The following WDR59 variants were observed in gnomAD, a reference collection of about 807,000 sequenced individuals.
WDR59 encodes GATOR2 complex protein WDR59.
Under a neutral mutation model 131.2 loss-of-function variants are expected in WDR59, and 100 were observed. That is an observed-to-expected ratio of 0.76 (90% CI 0.65 to 0.90). The LOEUF (loss-of-function observed/expected upper bound fraction) is 0.90. Ranked by LOEUF, WDR59 falls within the 40% of genes least tolerant of loss-of-function variation. WDR59 has a pLI of 0.00. For synonymous variants in WDR59, 601 were observed against 466.2 expected (o/e 1.29, Z -3.72); for missense variants, 1,203 against 1,262.2 (o/e 0.95, Z 0.71).
chr16:74,880,558 A>G (rs952069453), intron 25 of WDR59, among the ~76,000 whole-genome samples: 1 of 152,174 alleles, frequency 6.6e-6, no homozygotes, highest in African/African-American at 2.4e-5. Context: ...CCTCCCAGGA[A>G]ACTTCTTTGG....
intron 10 of WDR59, among the ~76,000 whole-genome samples, chr16:74,918,330 A>C (rs952747957): frequency 3.9e-5 from 6 of 152,234 alleles, no homozygotes; most frequent in African/African-American, 1.4e-4. Context: ...ATTTGAGCAG[A>C]AACTTAAATG....
intron 10 of WDR59, 36 bp from the exon 11 acceptor site, chr16:74,918,044 C>G (rs1966477760): frequency 6.3e-7 from 1 of 1,597,112 alleles, no homozygotes; most frequent in Non-Finnish European, 8.6e-7. Context: ...GGAAATTCTT[C>G]TGGATTCAAC....
chr16:74,879,524 C>T (rs1403896136), intron 25 of WDR59, among the ~76,000 whole-genome samples: 1 of 152,212 alleles, frequency 6.6e-6, no homozygotes, highest in East Asian at 1.9e-4. Context: ...ACAAGAATTA[C>T]TTAGCAGGGA....
chr16:74,902,176 T>C (rs1013309298), intron 18 of WDR59, among the ~76,000 whole-genome samples: 2 of 152,192 alleles, frequency 1.3e-5, no homozygotes, highest in South Asian at 2.1e-4. Flanking sequence ...TATATCAATA[T>C]AAGAGTTTCA....
intron 1 of WDR59, among the ~76,000 whole-genome samples, chr16:74,971,048 A>C (rs1205004872): frequency 6.6e-6 from 1 of 150,642 alleles, no homozygotes; most frequent in Non-Finnish European, 1.5e-5. Context: ...GACCCTGTCT[A>C]AAAAAAAAGC....
intron 8 of WDR59, among the ~76,000 whole-genome samples, chr16:74,925,359 C>T (rs1462489108): frequency 6.6e-6 from 1 of 152,064 alleles, no homozygotes; most frequent in Non-Finnish European, 1.5e-5. Flanking sequence ...GCCTGGCCAA[C>T]ATGGCGAAAC....
intron 6 of WDR59, 123 bp from the exon 7 acceptor site, chr16:74,942,949 T>C: frequency 1.3e-6 from 1 of 779,938 alleles, no homozygotes; most frequent in Non-Finnish European, 2.1e-6. Context: ...TTCAAGTTTC[T>C]GTGACTGCAC....
chr16:74,911,557 C>A (rs184444915), intron 14 of WDR59, among the ~76,000 whole-genome samples: 3 of 152,178 alleles, frequency 2.0e-5, no homozygotes, highest in Admixed American at 1.3e-4. Flanking sequence ...TCTGGATGAA[C>A]TGATGCATTA....
At chr16:74,924,779 C>T (rs1406449712) in intron 8 of WDR59, among the ~76,000 whole-genome samples, 1 of 152,152 alleles carries the variant, frequency 6.6e-6, no homozygotes, top group Admixed American at 6.6e-5. Flanking sequence ...CTCTGGAAAT[C>T]GCTATGGCAA....
At chr16:74,927,503 G>C (rs2030933529) in intron 8 of WDR59, among the ~76,000 whole-genome samples, 1 of 146,452 alleles carries the variant, frequency 6.8e-6, no homozygotes, top group Non-Finnish European at 1.5e-5. Context: ...CAGGAGAATT[G>C]CTTGAACCCC....
chr16:74,908,357 C>A (rs1422212907), intron 17 of WDR59, among the ~76,000 whole-genome samples: 1 of 152,124 alleles, frequency 6.6e-6, no homozygotes, highest in Non-Finnish European at 1.5e-5. Flanking sequence ...GCAGAGGCTG[C>A]TGTAAGCTAT....
chr16:74,940,621 C>G (rs2032143773), intron 7 of WDR59, among the ~76,000 whole-genome samples: 1 of 152,142 alleles, frequency 6.6e-6, no homozygotes, highest in Admixed American at 6.5e-5. Flanking sequence ...TTTGACACTA[C>G]AAAGTGCCAG....
chr16:74,984,040 G>A (rs1431707987), intron 1 of WDR59, among the ~76,000 whole-genome samples: 1 of 152,144 alleles, frequency 6.6e-6, no homozygotes, highest in African/African-American at 2.4e-5. Flanking sequence ...ACTTTGGGAG[G>A]CTGAGGTGGG....
In WDR59 at chr16:74,922,093, T is replaced by C. The variant is rs377268861; in HGVS notation, c.740A>G (p.Asn247Ser). The C allele has an allele frequency of 6.8e-6, 11 of 1,613,928 alleles. No individual in the cohort carries two copies. Among genetic ancestry groups the C allele is most frequent in the South Asian group, 1.1e-5 (1 of 91,064 alleles). The change falls in exon 10 of 26, where the codon AAT becomes AGT. Residue 247 changes from asparagine (N) to serine (S), a missense_variant. By Grantham distance (46) the Asn-to-Ser change is conservative (BLOSUM62 1). Transcript: ENST00000262144. Reference protein sequence around the residue: ...VWKARYTPFSNGLVTVMVPQL... With the variant: ...VWKARYTPFSSGLVTVMVPQL... ...GGGAACCATCACAGTCACCAATCCA[T>C]TGCTGAAAGGCTAAGGCAGGGAAGG... is the stretch of plus-strand genomic sequence containing the variant.
chr16:74,901,184 G>A (rs1045496785), intron 18 of WDR59, among the ~76,000 whole-genome samples: 3 of 152,080 alleles, frequency 2.0e-5, no homozygotes, highest in Non-Finnish European at 4.4e-5. Context: ...TGAGGTGGGA[G>A]GACTGCAAGA....
chr16:74,972,246 G>C (rs901341676), intron 1 of WDR59, among the ~76,000 whole-genome samples: 3 of 152,102 alleles, frequency 2.0e-5, no homozygotes, highest in East Asian at 3.9e-4. Context: ...TGATTCTCTT[G>C]GAGTAAATAT....
At chr16:74,940,725 A>G (rs1347370661) in intron 7 of WDR59, among the ~76,000 whole-genome samples, 1 of 152,098 alleles carries the variant, frequency 6.6e-6, no homozygotes, top group Non-Finnish European at 1.5e-5. Flanking sequence ...TTAATTTTTG[A>G]GACGGAGTCT....
intron 23 of WDR59, among the ~76,000 whole-genome samples, chr16:74,886,824 G>T (rs1362069214): frequency 6.6e-6 from 1 of 152,210 alleles, no homozygotes; most frequent in African/African-American, 2.4e-5. Context: ...TCAGGAGGCT[G>T]AGGCAGGAGA....
intron 10 of WDR59, among the ~76,000 whole-genome samples, chr16:74,919,086 A>G (rs2029891020): frequency 6.6e-6 from 1 of 152,056 alleles, no homozygotes; most frequent in Non-Finnish European, 1.5e-5. Flanking sequence ...AAATGTTATA[A>G]ATTAACTCAA....
Sources: gnomAD v4.1 joint callset for allele counts (sites outside exome capture counted in the v4.1 genomes callset) on GRCh38, gnomAD v4.1.1 for gene constraint, MANE v1.5 for transcripts, NCBI Gene and HGNC (gene_info 2026-07-23, HGNC 2026-07-21) for gene names.